ZDHHC14: variants seen among roughly 807,000 people sequenced by gnomAD.
The protein encoded by ZDHHC14 is palmitoyltransferase ZDHHC14.
In ZDHHC14, 16 loss-of-function variants were observed where a neutral mutation model predicts 47.7. The ratio of observed to expected loss-of-function variants is 0.34; its 90% confidence interval spans 0.23 to 0.51. ZDHHC14 has a LOEUF of 0.51. Ranked by LOEUF, ZDHHC14 falls within the 20% of genes least tolerant of loss-of-function variation. The pLI, the probability that ZDHHC14 is intolerant of heterozygous loss-of-function variation, is 0.97. For synonymous variants in ZDHHC14, 293 were observed against 278.9 expected, an observed-to-expected ratio of 1.05 and a Z score of -0.50; for missense variants, 515 against 662.5, an observed-to-expected ratio of 0.78 and a Z score of 2.44.
At chr6:157,519,751 T>C (rs1228849491) in intron 1 of ZDHHC14, among the ~76,000 whole-genome samples, 2 of 152,186 alleles carry the variant, frequency 1.3e-5, no homozygotes, top group African/African-American at 4.8e-5. Flanking sequence ...ATCGTTTTTT[T>C]GTTGTTTGTT....
intron 1 of ZDHHC14, among the ~76,000 whole-genome samples, chr6:157,430,471 C>T (rs1286002660): frequency 6.6e-5 from 10 of 152,166 alleles, no homozygotes; most frequent in African/African-American, 1.9e-4. Context: ...TTTCAGCCTC[C>T]AGAGGCTGCC....
intron 2 of ZDHHC14, among the ~76,000 whole-genome samples, chr6:157,549,240 G>C (rs1019897775): frequency 6.6e-6 from 1 of 152,336 alleles, no homozygotes; most frequent in Non-Finnish European, 1.5e-5. Context: ...CTCGAGCTTC[G>C]AAACAGAAAG....
intron 2 of ZDHHC14, among the ~76,000 whole-genome samples, chr6:157,589,615 C>T (rs1344218951): frequency 1.3e-5 from 2 of 152,168 alleles, no homozygotes; most frequent in Non-Finnish European, 2.9e-5. Context: ...GTTTGCTTCC[C>T]CTTCTGCCAT....
rs111472609 is a variant in ZDHHC14, at chr6:157,465,873, C to T, written c.246-76712C>T. Among the ~76,000 whole-genome samples the T allele has an allele frequency of 3.9e-3, 600 of 152,222 alleles. 4 individuals are homozygous for T. The highest frequency in any genetic ancestry group is 0.017 in the Middle Eastern group (5 of 294). On this transcript the variant is annotated intron_variant, in intron 1 of 8. Coordinates refer to ENST00000359775, the MANE Select transcript of ZDHHC14 (RefSeq NM_024630.3). ...CCTGGCCCACACGGCGAAACCCCGTCCCTACTAAAAATACAAAAATTAGCC... is the reference window on the plus strand; with the variant it reads ...CCTGGCCCACACGGCGAAACCCCGTTCCTACTAAAAATACAAAAATTAGCC...
intron 6 of ZDHHC14, among the ~76,000 whole-genome samples, chr6:157,646,599 C>T (rs942112616): frequency 1.9e-4 from 25 of 130,650 alleles, no homozygotes; most frequent in African/African-American, 5.0e-4. Context: ...GGTGACAGAG[C>T]GACACTCCAT....
Position 157,522,912 on chromosome 6 carries a change from CCTTCCTTCCTTT to C in ZDHHC14, c.246-19669_246-19658del, listed in dbSNP as rs1320254960. Among the ~76,000 whole-genome samples, 30 of 33,554 alleles carry C rather than the reference CCTTCCTTCCTTT, an allele frequency of 8.9e-4. 6 individuals carry two copies. Among genetic ancestry groups the C allele is most frequent in the East Asian group, 8.2e-3 (17 of 2,082 alleles). 22.0% of individuals were successfully genotyped at this position (33,554 alleles called of 152,430 possible). On this transcript the variant is annotated intron_variant, in intron 1 of 8. Transcript: ENST00000359775. ...ACCATCCTTCCTTCCTTCCTTCCTT[CCTTCCTTCCTTT>C]CTTTCTTTCTTTCTTTCTTTCCTTC...
At chr6:157,510,695 T>A (rs1403271455) in intron 1 of ZDHHC14, among the ~76,000 whole-genome samples, 1 of 152,172 alleles carries the variant, frequency 6.6e-6, no homozygotes, top group Non-Finnish European at 1.5e-5. Context: ...AATGCAGAGC[T>A]CTGGTGGGCA....
At chr6:157,619,489 T>C (rs1785097464) in intron 3 of ZDHHC14, among the ~76,000 whole-genome samples, 2 of 152,192 alleles carry the variant, frequency 1.3e-5, no homozygotes, top group South Asian at 2.1e-4. Flanking sequence ...ACCTCTGTTG[T>C]CTAGTAGTCA....
At chr6:157,669,054 A>G (rs1778676885) in intron 8 of ZDHHC14, among the ~76,000 whole-genome samples, 1 of 152,228 alleles carries the variant, frequency 6.6e-6, no homozygotes, top group South Asian at 2.1e-4. Flanking sequence ...GCTTCCCAGT[A>G]AAGCCACCTC....
In ZDHHC14 at chr6:157,381,947, C is replaced by A; in HGVS notation, c.-75C>A. 1 of 980,288 alleles carries A rather than the reference C, an allele frequency of 1.0e-6. No individual in the cohort carries two copies. The highest frequency in any genetic ancestry group is 1.2e-6 in the Non-Finnish European group (1 of 829,558). The allele number at this position is 980,288 out of a possible 1,614,324, so 60.7% of individuals were successfully genotyped here. On this transcript the variant is annotated 5_prime_UTR_variant, in exon 1 of 9. Coordinates refer to ENST00000359775, the MANE Select transcript of ZDHHC14 (RefSeq NM_024630.3). ...CGGGGGGCGGCCGGGCGGCCGGCGG[C>A]GGTCGTGGCTCGGCGGGGCCCGCGC...
intron 1 of ZDHHC14, among the ~76,000 whole-genome samples, chr6:157,505,365 T>C (rs1271938986): frequency 6.6e-6 from 1 of 152,210 alleles, no homozygotes; most frequent in Non-Finnish European, 1.5e-5. Context: ...ATCTTTAAAG[T>C]CTTTGCTAAG....
At chr6:157,489,957 T>A (rs1280522183) in intron 1 of ZDHHC14, among the ~76,000 whole-genome samples, 1 of 152,148 alleles carries the variant, frequency 6.6e-6, no homozygotes, top group East Asian at 1.9e-4. Context: ...TAGGGACTGC[T>A]ACCGTAACTG....
chr6:157,399,815 G>A (rs1583612423), intron 1 of ZDHHC14, among the ~76,000 whole-genome samples: 1 of 152,224 alleles, frequency 6.6e-6, no homozygotes, highest in Non-Finnish European at 1.5e-5. Flanking sequence ...GCCCCACATG[G>A]CACTTTCTGC....
chr6:157,597,918 TGGCAGGGC>T (rs2114901801), intron 3 of ZDHHC14, among the ~76,000 whole-genome samples: 1 of 152,372 alleles, frequency 6.6e-6, no homozygotes, highest in African/African-American at 2.4e-5. Context: ...CTTTTATTTC[TGGCAGGGC>T]TTTCCCCTGC....
intron 1 of ZDHHC14, among the ~76,000 whole-genome samples, chr6:157,446,731 C>T (rs1562428362): frequency 6.6e-6 from 1 of 152,064 alleles, no homozygotes; most frequent in African/African-American, 2.4e-5. Context: ...TTACAAATTC[C>T]TTGACATATT....
At position 157,632,875 on chromosome 6, in the gene ZDHHC14, C is replaced by A; in HGVS notation, c.745C>A (p.Pro249Thr). The A allele has an allele frequency of 6.2e-7, 1 of 1,614,162 alleles. No homozygotes were observed. Among genetic ancestry groups the A allele is most frequent in the Non-Finnish European group, 8.5e-7 (1 of 1,180,018 alleles). The change falls in exon 5 of 9, where the codon CCT becomes ACT. Residue 249 changes from proline (P) to threonine (T), a missense_variant. Physicochemically the swap from Pro to Thr is conservative, Grantham distance 38 (BLOSUM62 -1). Around this residue, in one of 4 missense-constraint regions of ZDHHC14, gnomAD observed 229 missense variants for 351.5 expected, o/e 0.65. Transcript: ENST00000359775. ...TGFLNALKDSPASVLEAVVCF... is the reference protein window; with the variant it reads ...TGFLNALKDSTASVLEAVVCF... ...ATTCCTAAATGCCCTTAAGGACAGTCCTGCAAGATATCCTTTGTGATGATT... is the reference window on the plus strand; with the variant it reads ...ATTCCTAAATGCCCTTAAGGACAGTACTGCAAGATATCCTTTGTGATGATT...
At chr6:157,505,445 G>A (rs989716649) in intron 1 of ZDHHC14, among the ~76,000 whole-genome samples, 5 of 152,172 alleles carry the variant, frequency 3.3e-5, no homozygotes, top group Non-Finnish European at 7.4e-5. Context: ...AATAATGTTC[G>A]AAGGGGATTA....
At chr6:157,602,028 C>G (rs948116077) in intron 3 of ZDHHC14, among the ~76,000 whole-genome samples, 1 of 151,412 alleles carries the variant, frequency 6.6e-6, no homozygotes, top group Non-Finnish European at 1.5e-5. Context: ...ATGGTGAAAC[C>G]GCGTCTCTAC....
At chr6:157,493,519 C>T (rs747046730) in intron 1 of ZDHHC14, among the ~76,000 whole-genome samples, 2 of 152,204 alleles carry the variant, frequency 1.3e-5, no homozygotes, top group South Asian at 2.1e-4. Context: ...GCCAGTCAGA[C>T]GAATTTCCTG....
Sources: gnomAD v4.1 joint callset for allele counts (sites outside exome capture counted in the v4.1 genomes callset) on GRCh38, gnomAD v4.1.1 for gene constraint, gnomAD v4.1.1 regional missense constraint, MANE v1.5 for transcripts, NCBI Gene and HGNC (gene_info 2026-07-23, HGNC 2026-07-21) for gene names.